HIF1A: variants seen among roughly 807,000 people sequenced by gnomAD.
HIF1A encodes the protein hypoxia-inducible factor 1-alpha.
HIF1A carries 24 observed loss-of-function variants against 92.7 expected under a neutral mutation model. The observed-to-expected ratio is 0.26, with a 90% confidence interval of 0.19 to 0.36. HIF1A has a LOEUF of 0.36. Among genes scored for constraint, HIF1A ranks in the 10% least tolerant of loss-of-function variants. HIF1A has a pLI of 1.00. For synonymous variants in HIF1A, 319 were observed against 338.7 expected, an observed-to-expected ratio of 0.94 and a Z score of 0.64; for missense variants, 799 against 998.5, an observed-to-expected ratio of 0.80 and a Z score of 2.69.
intron 1 of HIF1A, among the ~76,000 whole-genome samples, chr14:61,700,841 A>T (rs1211702929): frequency 1.3e-5 from 2 of 152,192 alleles, no homozygotes; most frequent in African/African-American, 4.8e-5. Context: ...TTAGCCATCT[A>T]ATGTGGCAAA....
In HIF1A at chr14:61,715,131, A is replaced by T. The variant is rs1485972690; in HGVS notation, c.36-5251A>T. 2.6e-5 allele frequency among the ~76,000 whole-genome samples: 4 copies of T among 152,238 alleles called. No individual in the cohort carries two copies. In the East Asian group the frequency reaches 7.7e-4, roughly 29 times the overall value. ...TTAGATATTGAAATAGCTGCTCTGT[A>T]CAAATAAAGTCTACTGGGAGTATAG... is the stretch of plus-strand genomic sequence containing the variant. On this transcript the variant is annotated intron_variant, in intron 1 of 14. Coordinates refer to ENST00000337138, the MANE Select transcript of HIF1A (RefSeq NM_001530.4).
chr14:61,744,132 G>A (rs1450640282), intron 12 of HIF1A, among the ~76,000 whole-genome samples: 1 of 152,140 alleles, frequency 6.6e-6, no homozygotes, highest in African/African-American at 2.4e-5. Flanking sequence ...TGGAATAAAA[G>A]GACAATATTT....
chr14:61,695,844 G>A lies in HIF1A; in HGVS notation c.35+5G>A. 1.3e-6 allele frequency: 2 copies of A among 1,582,624 alleles called. No homozygotes were observed. The highest frequency in any genetic ancestry group is 1.7e-6 in the Non-Finnish European group (2 of 1,165,428). On this transcript the variant is annotated splice_donor_5th_base_variant and intron_variant, in intron 1 of 14. Coordinates refer to ENST00000337138, the MANE Select transcript of HIF1A (RefSeq NM_001530.4). ...CGGCGCGAACGACAAGAAAAAGTAAGCCCATTCCCTCGGCCCGCCGCCTTC... is the reference window on the plus strand; with the variant it reads ...CGGCGCGAACGACAAGAAAAAGTAAACCCATTCCCTCGGCCCGCCGCCTTC...
intron 12 of HIF1A, among the ~76,000 whole-genome samples, chr14:61,744,072 G>A (rs777758905): frequency 6.6e-6 from 1 of 152,168 alleles, no homozygotes; most frequent in African/African-American, 2.4e-5. Context: ...ATGTGAGATT[G>A]ATCTTGTATT....
intron 8 of HIF1A, among the ~76,000 whole-genome samples, 157 bp downstream of exon 8, chr14:61,734,442 T>C (rs943239590): frequency 1.3e-5 from 2 of 152,218 alleles, no homozygotes; most frequent in Non-Finnish European, 2.9e-5. Context: ...CTGACCTAGG[T>C]TTCCAGTCCA....
chr14:61,724,381 C>CTCT (rs71117849), intron 4 of HIF1A, among the ~76,000 whole-genome samples: 1 of 145,212 alleles, frequency 6.9e-6, no homozygotes, highest in African/African-American at 2.5e-5. Context: ...CTCTCTCTCT[C>CTCT]CCCCTCCCTC....
chr14:61,716,793 G>A (rs1335944112), intron 1 of HIF1A, among the ~76,000 whole-genome samples: 2 of 151,922 alleles, frequency 1.3e-5, no homozygotes, highest in African/African-American at 4.8e-5. Flanking sequence ...AGATATAATT[G>A]TTACTTTTGT....
rs2044103194 is a variant in HIF1A, at chr14:61,695,617, G to A, written c.-188G>A. On this transcript the variant is annotated 5_prime_UTR_variant, in exon 1 of 15. Transcript: ENST00000337138. ...TGACAAGCCACCTGAGGAGAGGCTC[G>A]GAGCCGGGCCCGGACCCCGGCGATT... The A allele has an allele frequency of 4.8e-6, 3 of 631,284 alleles. No individual in the cohort carries two copies. The highest frequency in any genetic ancestry group is 8.2e-6 in the Non-Finnish European group (3 of 366,374). 39.1% of individuals were successfully genotyped at this position (631,284 alleles called of 1,614,324 possible).
At chr14:61,699,216 G>A (rs1369847229) in intron 1 of HIF1A, among the ~76,000 whole-genome samples, 3 of 152,092 alleles carry the variant, frequency 2.0e-5, no homozygotes, top group Non-Finnish European at 4.4e-5. Flanking sequence ...CTGAACTATC[G>A]AGTTATTTTA....
At chr14:61,711,207 C>CTTTTTTTT (rs10615564) in intron 1 of HIF1A, among the ~76,000 whole-genome samples, 14 of 86,132 alleles carry the variant, frequency 1.6e-4, no homozygotes, top group African/African-American at 5.6e-4. Context: ...TTAAGTATTC[C>CTTTTTTTT]TTTTTTTTTT....
At chr14:61,739,533 C>T (rs2044680607) in intron 10 of HIF1A, among the ~76,000 whole-genome samples, 1 of 152,014 alleles carries the variant, frequency 6.6e-6, no homozygotes, top group South Asian at 2.1e-4. Flanking sequence ...ATCTCACAGC[C>T]TTGTGTTGAA....
At chr14:61,739,043 G>A (rs946465896) in intron 10 of HIF1A, among the ~76,000 whole-genome samples, 1 of 152,152 alleles carries the variant, frequency 6.6e-6, no homozygotes, top group African/African-American at 2.4e-5. Context: ...GAGCTACCAT[G>A]CCTGGCCCAT....
chr14:61,716,272 G>A (rs1336247792), intron 1 of HIF1A, among the ~76,000 whole-genome samples: 2 of 152,072 alleles, frequency 1.3e-5, no homozygotes, highest in Non-Finnish European at 2.9e-5. Flanking sequence ...AAGCTATTGT[G>A]TATTTTAAAA....
intron 1 of HIF1A, chr14:61,697,761 C>G (rs543505481): frequency 5.4e-5 from 76 of 1,420,478 alleles, no homozygotes; most frequent in Non-Finnish European, 6.8e-5. Flanking sequence ...TAATAGATGA[C>G]CTTTTCTAAC....
chr14:61,726,605 AC>A, intron 4 of HIF1A, 100 bp from the exon 5 acceptor site: 1 of 632,848 alleles, frequency 1.6e-6, no homozygotes, highest in Non-Finnish European at 2.8e-6. Context: ...ACTTAATTGA[AC>A]GGGTATTCAG....
chr14:61,704,132 A>G (rs1176778668), intron 1 of HIF1A, among the ~76,000 whole-genome samples: 1 of 152,216 alleles, frequency 6.6e-6, no homozygotes, highest in Admixed American at 6.5e-5. Context: ...CATATGAAAC[A>G]CTCAGAACAG....
chr14:61,746,392 C>CTTTT (rs754879947), intron 14 of HIF1A, among the ~76,000 whole-genome samples: 1,330 of 49,306 alleles, frequency 0.027, 119 homozygotes, highest in African/African-American at 0.056. Context: ...TTTATGACTT[C>CTTTT]TTTTTTTTTT....
chr14:61,747,157 C>A lies in HIF1A; in HGVS notation c.*72C>A. The A allele has an allele frequency of 7.4e-7, 1 of 1,344,246 alleles. No individual in the cohort carries two copies. Among genetic ancestry groups the A allele is most frequent in the Non-Finnish European group, 1.0e-6 (1 of 986,094 alleles). 83.3% of individuals were successfully genotyped at this position (1,344,246 alleles called of 1,614,324 possible). ...ACCTAAAGCAGTCTATTTATATTTT[C>A]TACATCTAATTTTAGAAGCCTGGCT... On this transcript the variant is annotated 3_prime_UTR_variant, in exon 15 of 15. Coordinates refer to ENST00000337138, the MANE Select transcript of HIF1A (RefSeq NM_001530.4).
At chr14:61,696,666 T>C (rs576322695) in intron 1 of HIF1A, among the ~76,000 whole-genome samples, 1 of 152,334 alleles carries the variant, frequency 6.6e-6, no homozygotes, top group East Asian at 1.9e-4. Context: ...TCATTCATTC[T>C]TCAAATAATG....
Sources: allele counts gnomAD v4.1 joint callset (sites outside exome capture counted in the v4.1 genomes callset), GRCh38; gene constraint gnomAD v4.1.1; transcripts MANE v1.5; gene names NCBI Gene and HGNC (gene_info 2026-07-23, HGNC 2026-07-21).